The following TMEM273 variants were observed in gnomAD, a reference collection of about 807,000 sequenced individuals.
The protein encoded by TMEM273 is chromosome 10 open reading frame 128.
In TMEM273, 19 loss-of-function variants were observed where a neutral mutation model predicts 17.9. That is an observed-to-expected ratio of 1.06 (90% CI 0.74 to 1.55). The LOEUF (loss-of-function observed/expected upper bound fraction) is 1.55, where lower values mean the gene tolerates loss of function less well. Among genes scored for constraint, TMEM273 ranks in the 40% most tolerant of loss-of-function variants. TMEM273 has a pLI of 0.00. For synonymous variants in TMEM273, 66 were observed against 62.0 expected (o/e 1.07, Z -0.31); for missense variants, 194 against 155.6 (o/e 1.25, Z -1.31).
chr10:49,172,805 C>T (rs903699634), intron 1 of TMEM273, among the ~76,000 whole-genome samples: 4 of 152,216 alleles, frequency 2.6e-5, no homozygotes, highest in South Asian at 2.1e-4. Flanking sequence ...AGCACACCAC[C>T]ACCTGAGACG....
chr10:49,186,123 A>AAGAAGAAGAAGAAGAGGAAGAAGAAGGAG (rs1564652601), intron 1 of TMEM273, among the ~76,000 whole-genome samples: 1 of 78,608 alleles, frequency 1.3e-5, no homozygotes, highest in Non-Finnish European at 2.7e-5. Flanking sequence ...AGAAGAAGAA[A>AAGAAGAAGAAGAAGAGGAAGAAGAAGGAG]AAGAGGAAGA....
intron 1 of TMEM273, among the ~76,000 whole-genome samples, chr10:49,169,645 G>A (rs925625442): frequency 7.9e-5 from 12 of 152,084 alleles, no homozygotes; most frequent in Admixed American, 2.0e-4. Flanking sequence ...AGACACCACC[G>A]CACACAATAT....
chr10:49,183,464 G>A (rs538332703), intron 1 of TMEM273, among the ~76,000 whole-genome samples: 44 of 152,000 alleles, frequency 2.9e-4, no homozygotes, highest in Non-Finnish European at 4.9e-4. Flanking sequence ...AGTGTTCTTT[G>A]TACTATTTTT....
At chr10:49,173,281 C>T (rs898042494) in intron 1 of TMEM273, among the ~76,000 whole-genome samples, 36 of 152,210 alleles carry the variant, frequency 2.4e-4, no homozygotes, top group African/African-American at 8.4e-4. Flanking sequence ...TAACTGTCAT[C>T]TGCAAACAAA....
intron 5 of TMEM273, among the ~76,000 whole-genome samples, chr10:49,164,370 A>G (rs1158362862): frequency 6.6e-6 from 1 of 151,988 alleles, no homozygotes. Flanking sequence ...CTCCACCTGG[A>G]CTTACTCCAG....
chr10:49,186,030 G>GAAA (rs1469565413), intron 1 of TMEM273, among the ~76,000 whole-genome samples: 26 of 145,172 alleles, frequency 1.8e-4, no homozygotes, highest in Admixed American at 7.8e-4. Context: ...AGAAGAAGAA[G>GAAA]AAGAAAAAGA....
chr10:49,162,371 G>A (rs552290379), intron 5 of TMEM273, among the ~76,000 whole-genome samples: 24 of 152,250 alleles, frequency 1.6e-4, no homozygotes, highest in South Asian at 4.1e-4. Context: ...ACACATATGC[G>A]TGCGCACACA....
At chr10:49,166,028 C>T (rs769577592) in intron 3 of TMEM273, among the ~76,000 whole-genome samples, 3 of 152,160 alleles carry the variant, frequency 2.0e-5, no homozygotes, top group South Asian at 2.1e-4. Context: ...TTAAGCCCCT[C>T]GGGCGATGCA....
At position 49,155,841 on chromosome 10, in the gene TMEM273, C is replaced by T. The variant is rs754171133; in HGVS notation, c.*51G>A. On this transcript the variant is annotated 3_prime_UTR_variant, in exon 7 of 7. Transcript: ENST00000374153. ...AACATCCTGAGATGTTAACCATGGG[C>T]TGTTTTCCACGGGGCTAGAACCCCT... The T allele has an allele frequency of 1.2e-6, 2 of 1,613,916 alleles. No homozygotes were observed. The highest frequency in any genetic ancestry group is 8.5e-7 in the Non-Finnish European group (1 of 1,179,890).
intron 5 of TMEM273, 130 bp from the exon 6 acceptor site, chr10:49,161,752 C>T: frequency 2.8e-6 from 3 of 1,061,006 alleles, no homozygotes; most frequent in Non-Finnish European, 4.3e-6. Context: ...CCTCATGACT[C>T]AGCCTGACTC....
At chr10:49,183,379 A>G (rs929375603) in intron 1 of TMEM273, among the ~76,000 whole-genome samples, 2 of 107,142 alleles carry the variant, frequency 1.9e-5, no homozygotes, top group Admixed American at 2.1e-4. Flanking sequence ...GTGTGTGTGT[A>G]TAGAGAGAGA....
chr10:49,170,967 G>A (rs532651659), intron 1 of TMEM273, among the ~76,000 whole-genome samples: 1 of 152,368 alleles, frequency 6.6e-6, no homozygotes, highest in East Asian at 1.9e-4. Flanking sequence ...TAGCAGGCCT[G>A]CTTGGACATC....
intron 6 of TMEM273, among the ~76,000 whole-genome samples, chr10:49,157,661 A>C (rs1245120306): frequency 6.6e-6 from 1 of 152,248 alleles, no homozygotes; most frequent in East Asian, 1.9e-4. Flanking sequence ...TTTAAAACTC[A>C]GTAAAATAGG....
chr10:49,162,145 C>T (rs571980655), intron 5 of TMEM273, among the ~76,000 whole-genome samples: 2 of 152,268 alleles, frequency 1.3e-5, no homozygotes, highest in Admixed American at 1.3e-4. Flanking sequence ...AGAGACGCTC[C>T]TCTTAGATGA....
chr10:49,171,159 G>A (rs1202929177), intron 1 of TMEM273, among the ~76,000 whole-genome samples: 2 of 152,240 alleles, frequency 1.3e-5, no homozygotes, highest in Non-Finnish European at 2.9e-5. Context: ...CTGAGGTAAG[G>A]CTGTGTGAAA....
At chr10:49,173,775 G>A (rs1482792436) in intron 1 of TMEM273, among the ~76,000 whole-genome samples, 2 of 152,244 alleles carry the variant, frequency 1.3e-5, no homozygotes, top group African/African-American at 2.4e-5. Flanking sequence ...TGTTAAACCA[G>A]AAATGGCTTG....
chr10:49,169,827 C>T (rs1846436647), intron 1 of TMEM273, among the ~76,000 whole-genome samples: 1 of 152,226 alleles, frequency 6.6e-6, no homozygotes, highest in African/African-American at 2.4e-5. Context: ...CAGACTGACA[C>T]TCCCAACTCA....
chr10:49,165,491 G>A (rs1481083622), intron 4 of TMEM273: 1 of 1,434,388 alleles, frequency 7.0e-7, no homozygotes, highest in South Asian at 1.5e-5. Flanking sequence ...CACTGAAGGG[G>A]TCTGAGTGGG....
intron 3 of TMEM273, 59 bp downstream of exon 3, chr10:49,166,810 G>A (rs1387932298): frequency 6.2e-7 from 1 of 1,605,502 alleles, no homozygotes; most frequent in African/African-American, 1.3e-5. Context: ...GCATCACAGA[G>A]TGGCCCTCGG....
Sources: gnomAD v4.1 joint callset for allele counts (sites outside exome capture counted in the v4.1 genomes callset) on GRCh38, gnomAD v4.1.1 for gene constraint, MANE v1.5 for transcripts, NCBI Gene and HGNC (gene_info 2026-07-23, HGNC 2026-07-21) for gene names.